GPR149: variants seen among roughly 807,000 people sequenced by gnomAD.
The protein encoded by GPR149 is G protein-coupled receptor 149, also known as probable G protein-coupled receptor 149.
Under a neutral mutation model 50.2 loss-of-function variants are expected in GPR149, and 50 were observed. The observed-to-expected ratio is 1.00, with a 90% confidence interval of 0.79 to 1.26. GPR149 has a LOEUF of 1.26. Among genes scored for constraint, GPR149 ranks in the 50% most tolerant of loss-of-function variants. GPR149 has a pLI of 0.00. For synonymous variants in GPR149, 405 were observed against 358.2 expected (o/e 1.13, Z -1.48); for missense variants, 983 against 895.4 (o/e 1.10, Z -1.25).
chr3:154,370,488 A>C (rs564619584), intron 3 of GPR149, among the ~76,000 whole-genome samples: 7 of 149,666 alleles, frequency 4.7e-5, no homozygotes, highest in Non-Finnish European at 5.9e-5. Context: ...CCAACAAAAA[A>C]CAAACTGTCC....
intron 3 of GPR149, chr3:154,354,003 C>A: frequency 2.2e-6 from 1 of 463,320 alleles, no homozygotes. Flanking sequence ...AAGGATGATA[C>A]TTGCTTTGAT....
Position 154,378,088 on chromosome 3 carries a change from C to CTT in GPR149, c.1624-39819_1624-39818dup, listed in dbSNP as rs35650974. ...CATTATATTGATATATCCCCCCCCC[C>CTT]TTTTTTTTTTTTTGAGATGGAGTCC... On this transcript the variant is annotated intron_variant, in intron 3 of 3. Coordinates refer to ENST00000389740, the MANE Select transcript of GPR149 (RefSeq NM_001038705.3). Among the ~76,000 whole-genome samples the CTT allele has an allele frequency of 7.0e-4, 40 of 57,318 alleles. 1 individual carries two copies. Among genetic ancestry groups the CTT allele is most frequent in the South Asian group, 6.5e-3 (12 of 1,836 alleles). The allele number at this position is 57,318 out of a possible 152,430, so 37.6% of individuals were successfully genotyped here.
intron 2 of GPR149, among the ~76,000 whole-genome samples, chr3:154,423,474 A>C (rs1476769116): frequency 6.6e-6 from 1 of 151,892 alleles, no homozygotes; most frequent in Admixed American, 6.6e-5. Flanking sequence ...TGCTGTTTTT[A>C]AGTCAGAGGA....
intron 3 of GPR149, among the ~76,000 whole-genome samples, chr3:154,358,679 G>A (rs1714305335): frequency 6.6e-6 from 1 of 152,142 alleles, no homozygotes; most frequent in Admixed American, 6.6e-5. Flanking sequence ...CCATGTTTAT[G>A]AGTTTCATAG....
chr3:154,380,683 G>C (rs1006433788), intron 3 of GPR149, among the ~76,000 whole-genome samples: 5 of 147,234 alleles, frequency 3.4e-5, no homozygotes, highest in Non-Finnish European at 6.0e-5. Flanking sequence ...CTCTATAAAA[G>C]CATTTAAGAA....
intron 3 of GPR149, among the ~76,000 whole-genome samples, chr3:154,368,259 A>G (rs1220572919): frequency 1.3e-5 from 2 of 152,172 alleles, no homozygotes; most frequent in Non-Finnish European, 2.9e-5. Context: ...TTCTTTTCTC[A>G]TCTTGCAAGC....
At chr3:154,388,270 A>G (rs1187358972) in intron 3 of GPR149, among the ~76,000 whole-genome samples, 3 of 152,094 alleles carry the variant, frequency 2.0e-5, no homozygotes, top group African/African-American at 7.2e-5. Context: ...CTGTAAATTG[A>G]TGAGTAAACA....
At chr3:154,395,389 T>C (rs1185705956) in intron 3 of GPR149, among the ~76,000 whole-genome samples, 1 of 149,212 alleles carries the variant, frequency 6.7e-6, no homozygotes, top group Non-Finnish European at 1.5e-5. Context: ...TATATATATA[T>C]CTAAATGTAA....
chr3:154,370,731 C>T (rs1245499045), intron 3 of GPR149, among the ~76,000 whole-genome samples: 3 of 152,126 alleles, frequency 2.0e-5, no homozygotes, highest in African/African-American at 7.2e-5. Context: ...GTGTGGTCTT[C>T]TCAGTTTTAA....
intron 3 of GPR149, among the ~76,000 whole-genome samples, chr3:154,406,823 G>A (rs541430035): frequency 2.0e-5 from 3 of 152,096 alleles, no homozygotes; most frequent in African/African-American, 4.8e-5. Flanking sequence ...TGAATGAAGC[G>A]CATATGCCTT....
At chr3:154,412,934 G>C (rs551304327) in intron 3 of GPR149, among the ~76,000 whole-genome samples, 23 of 152,138 alleles carry the variant, frequency 1.5e-4, no homozygotes, top group Non-Finnish European at 2.9e-4. Context: ...AAAATAGCAT[G>C]GTACTGGTAT....
intron 3 of GPR149, among the ~76,000 whole-genome samples, chr3:154,383,835 T>C (rs1431492199): frequency 2.0e-5 from 3 of 151,986 alleles, no homozygotes; most frequent in East Asian, 3.9e-4. Flanking sequence ...TTAGTGCCCT[T>C]GTAAAACAGC....
chr3:154,347,885 G>A (rs1012687386), intron 3 of GPR149, among the ~76,000 whole-genome samples: 4 of 152,170 alleles, frequency 2.6e-5, no homozygotes, highest in African/African-American at 9.7e-5. Context: ...AATGGCAAAC[G>A]TGGGATGGAC....
intron 3 of GPR149, chr3:154,353,493 A>C (rs1300402821): frequency 4.4e-6 from 4 of 899,358 alleles, no homozygotes; most frequent in African/African-American, 1.6e-5. Context: ...CAGTTTAGAA[A>C]GATCCAATCA....
intron 3 of GPR149, among the ~76,000 whole-genome samples, chr3:154,349,807 T>C (rs1167587918): frequency 6.6e-6 from 1 of 152,198 alleles, no homozygotes; most frequent in Non-Finnish European, 1.5e-5. Flanking sequence ...TAGATTAGTA[T>C]CACTCATGAA....
In GPR149 at chr3:154,429,460, A is replaced by G. The variant is rs532667631; in HGVS notation, c.156T>C (p.Ile52=). ...LMTFAALVGS[I]YSLISLLKMQ... is the part of the protein sequence containing the mutation. ...TTTTCAGCAGGGAAATTAGTGAATA[A>G]ATGCTGCCCACCAAGGCTGCAAAAG... is the stretch of plus-strand genomic sequence containing the variant. Residue 52 remains isoleucine (I), a synonymous_variant, in exon 1 of 4, where the codon ATT becomes ATC. Transcript: ENST00000389740. The G allele has an allele frequency of 2.5e-6, 4 of 1,614,168 alleles. No homozygotes were observed. Among genetic ancestry groups the G allele is most frequent in the Non-Finnish European group, 3.4e-6 (4 of 1,180,030 alleles).
Position 154,421,057 on chromosome 3 carries a change from T to C in GPR149, c.1605A>G (p.Ser535=), listed in dbSNP as rs1343848065. 1.2e-6 allele frequency: 2 copies of C among 1,604,250 alleles called. No homozygotes were observed. Among genetic ancestry groups the C allele is most frequent in the Non-Finnish European group, 1.7e-6 (2 of 1,176,206 alleles). Residue 535 remains serine, a synonymous_variant, in exon 3 of 4, where the codon TCA becomes TCG. Coordinates refer to ENST00000389740, the MANE Select transcript of GPR149 (RefSeq NM_001038705.3). ...LSDWEWCRSK[S]ERTPRQRSGY... is the part of the protein sequence containing the mutation. ...ACTGTACCTGACGAGGGGTTCTTTC[T>C]GATTTACTCCTACACCACTCCCAGT...
At chr3:154,386,266 G>A (rs571795606) in intron 3 of GPR149, among the ~76,000 whole-genome samples, 3 of 152,102 alleles carry the variant, frequency 2.0e-5, no homozygotes, top group Non-Finnish European at 4.4e-5. Context: ...GAAGTACCTG[G>A]TTCTGACTCC....
chr3:154,348,544 C>T (rs755414050), intron 3 of GPR149, among the ~76,000 whole-genome samples: 3 of 152,090 alleles, frequency 2.0e-5, no homozygotes, highest in Non-Finnish European at 2.9e-5. Context: ...GATCCATCCA[C>T]TTAGAAGACA....
Sources: allele counts gnomAD v4.1 joint callset (sites outside exome capture counted in the v4.1 genomes callset), GRCh38; gene constraint gnomAD v4.1.1; transcripts MANE v1.5; gene names NCBI Gene and HGNC (gene_info 2026-07-23, HGNC 2026-07-21).